TBC1D22A: variants seen among roughly 807,000 people sequenced by gnomAD.
TBC1D22A encodes the protein putative GTPase activator.
In TBC1D22A, 38 loss-of-function variants were observed where a neutral mutation model predicts 60.2. The observed-to-expected ratio is 0.63, with a 90% CI of 0.49 to 0.83. The LOEUF (loss-of-function observed/expected upper bound fraction) is 0.83, where lower values mean the gene tolerates loss of function less well. TBC1D22A is among the 40% of genes least tolerant of loss of function. TBC1D22A has a pLI of 0.00. For missense variants in TBC1D22A, 628 were observed against 701.0 expected (o/e 0.90, Z 1.18); for synonymous variants, 302 against 281.7 (o/e 1.07, Z -0.72).
intron 1 of TBC1D22A, among the ~76,000 whole-genome samples, chr22:46,790,774 G>A (rs975824244): frequency 7.2e-5 from 11 of 152,194 alleles, no homozygotes; most frequent in African/African-American, 2.4e-4. Flanking sequence ...TATGAACCAC[G>A]GCTCTTCAGC....
intron 9 of TBC1D22A, among the ~76,000 whole-genome samples, chr22:46,976,748 G>C (rs543768443): frequency 1.3e-5 from 2 of 152,290 alleles, no homozygotes; most frequent in South Asian, 4.1e-4. Context: ...TTGGTTTTCT[G>C]AAGTGCAGGC....
intron 6 of TBC1D22A, among the ~76,000 whole-genome samples, chr22:46,893,652 C>T (rs1048978617): frequency 1.3e-5 from 2 of 152,238 alleles, no homozygotes; most frequent in African/African-American, 2.4e-5. Flanking sequence ...GCCGCCAGGA[C>T]ACCCTGATGA....
At chr22:46,816,967 G>A (rs1346614315) in intron 4 of TBC1D22A, among the ~76,000 whole-genome samples, 1 of 152,068 alleles carries the variant, frequency 6.6e-6, no homozygotes, top group Non-Finnish European at 1.5e-5. Flanking sequence ...TTTTCACATA[G>A]GCAAAATGCT....
At chr22:46,809,483 A>G (rs2085292880) in intron 4 of TBC1D22A, among the ~76,000 whole-genome samples, 1 of 152,232 alleles carries the variant, frequency 6.6e-6, no homozygotes, top group Admixed American at 6.5e-5. Context: ...TAGTTAGCAT[A>G]TCTTTTTCAA....
chr22:46,952,906 C>T (rs1413368117), intron 8 of TBC1D22A, among the ~76,000 whole-genome samples: 1 of 152,190 alleles, frequency 6.6e-6, no homozygotes, highest in Non-Finnish European at 1.5e-5. Flanking sequence ...GCTTGGATGG[C>T]CTTTCACCAG....
At chr22:47,090,922 G>A (rs1472497806) in intron 11 of TBC1D22A, among the ~76,000 whole-genome samples, 2 of 140,568 alleles carry the variant, frequency 1.4e-5, no homozygotes, top group Non-Finnish European at 3.1e-5. Flanking sequence ...GGGGGGTGTG[G>A]CCTCACGGAG....
chr22:46,942,485 C>T (rs937865242), intron 8 of TBC1D22A, among the ~76,000 whole-genome samples: 7 of 152,050 alleles, frequency 4.6e-5, no homozygotes, highest in Non-Finnish European at 5.9e-5. Context: ...CGTCACGTGT[C>T]GAAGTTTTTA....
At chr22:46,802,104 G>A (rs1031283695) in intron 4 of TBC1D22A, among the ~76,000 whole-genome samples, 2 of 152,236 alleles carry the variant, frequency 1.3e-5, no homozygotes, top group Non-Finnish European at 2.9e-5. Flanking sequence ...GCTGTAGAGG[G>A]AGCATGAGAC....
chr22:46,866,809 G>T (rs1327421275), intron 4 of TBC1D22A, among the ~76,000 whole-genome samples: 1 of 152,260 alleles, frequency 6.6e-6, no homozygotes, highest in Non-Finnish European at 1.5e-5. Context: ...CTGTGCTAGT[G>T]CAGCAGGCAT....
chr22:46,931,680 A>G (rs1177463355), intron 8 of TBC1D22A, among the ~76,000 whole-genome samples: 1 of 152,216 alleles, frequency 6.6e-6, no homozygotes, highest in Non-Finnish European at 1.5e-5. Context: ...CTCCCCAGAC[A>G]GACGCCTGGC....
intron 8 of TBC1D22A, among the ~76,000 whole-genome samples, chr22:46,916,380 G>A (rs2070370482): frequency 6.6e-6 from 1 of 152,210 alleles, no homozygotes; most frequent in East Asian, 1.9e-4. Context: ...GGACACTGCC[G>A]GCCTGAGTCA....
rs1456565546 is a variant in TBC1D22A, at chr22:46,997,608, G to T, written c.1126-26G>T. 4 of 1,594,426 alleles carry T rather than the reference G, an allele frequency of 2.5e-6. No homozygotes were observed. The Admixed American group carries it at 6.7e-5, about 27-fold the overall frequency. On this transcript the variant is annotated intron_variant, in intron 9 of 12. Transcript: ENST00000337137. The stretch of plus-strand genomic sequence containing the variant: ...AGTTTGTTTTATTTTATATGCATAT[G>T]ATTCACATTATTCTTTTTTCCTTAG...
In TBC1D22A at chr22:47,058,233, G is replaced by T. The variant is rs114827231; in HGVS notation, c.1329+21035G>T. ...AGTGGGTCTTTGTGTCTCAAAGGTG[G>T]CTCTGAGGGGCTGGCCTCCTCCCCA... On this transcript the variant is annotated intron_variant, in intron 11 of 12. Transcript: ENST00000337137. Among the ~76,000 whole-genome samples, 357 of 152,284 alleles carry T rather than the reference G, an allele frequency of 2.3e-3. 1 individual carries two copies. Among genetic ancestry groups the T allele is most frequent in the African/African-American group, 8.3e-3 (343 of 41,562 alleles).
At position 47,152,412 on chromosome 22, in the gene TBC1D22A, C is replaced by T. The variant is rs543988501; in HGVS notation, c.1426-21086C>T. Among the ~76,000 whole-genome samples the T allele has an allele frequency of 3.4e-4, 51 of 152,186 alleles. 1 individual carries two copies. The highest frequency in any genetic ancestry group is 5.6e-4 in the Non-Finnish European group (38 of 68,038). On this transcript the variant is annotated intron_variant, in intron 12 of 12. Coordinates refer to ENST00000337137, the MANE Select transcript of TBC1D22A (RefSeq NM_014346.5). ...AGGGTCCCCAGGCCGAAGTGGGTTC[C>T]TCCTCTGCTTGTGGCTGGCGGGCGT...
chr22:46,950,552 C>T (rs914453007), intron 8 of TBC1D22A, among the ~76,000 whole-genome samples: 2 of 152,258 alleles, frequency 1.3e-5, no homozygotes, highest in South Asian at 2.1e-4. Context: ...CCCACTGGTT[C>T]CCACTTTCCT....
At chr22:46,993,914 C>A (rs539559912) in intron 9 of TBC1D22A, among the ~76,000 whole-genome samples, 1 of 152,220 alleles carries the variant, frequency 6.6e-6, no homozygotes, top group African/African-American at 2.4e-5. Flanking sequence ...GACCGACCCC[C>A]CTGTGTCTTA....
intron 1 of TBC1D22A, among the ~76,000 whole-genome samples, chr22:46,779,460 T>C (rs1401457198): frequency 6.6e-6 from 1 of 152,188 alleles, no homozygotes; most frequent in Non-Finnish European, 1.5e-5. Context: ...GGTTTCACCA[T>C]GTTGGCCAGG....
chr22:47,154,125 C>T (rs148210941), intron 12 of TBC1D22A, among the ~76,000 whole-genome samples: 101 of 152,278 alleles, frequency 6.6e-4, no homozygotes, highest in African/African-American at 2.2e-3. Flanking sequence ...ACCTCCTGGG[C>T]CTCCAGCACT....
chr22:46,971,770 C>T (rs2074070855), intron 8 of TBC1D22A, among the ~76,000 whole-genome samples: 1 of 152,250 alleles, frequency 6.6e-6, no homozygotes, highest in Non-Finnish European at 1.5e-5. Context: ...TAACACCTCC[C>T]ACCTTGGGCT....
Sources: allele counts gnomAD v4.1 joint callset (sites outside exome capture counted in the v4.1 genomes callset), GRCh38; gene constraint gnomAD v4.1.1; transcripts MANE v1.5; gene names NCBI Gene and HGNC (gene_info 2026-07-23, HGNC 2026-07-21).